Variants in NUP98 observed in about 807,000 individuals in gnomAD.
The protein encoded by NUP98 is nucleoporin 98 and 96 precursor, also known as nuclear pore complex protein Nup98-Nup96.
NUP98 carries 26 observed loss-of-function variants against 191.9 expected under a neutral mutation model. The observed-to-expected ratio is 0.14, with a 90% CI of 0.10 to 0.19. The LOEUF (loss-of-function observed/expected upper bound fraction) is 0.19. Ranked by LOEUF, NUP98 falls within the 10% of genes least tolerant of loss-of-function variation. The pLI is 1.00. For synonymous variants in NUP98, 808 were observed against 778.4 expected (o/e 1.04, Z -0.63); for missense variants, 1,941 against 2,178.8 (o/e 0.89, Z 2.17).
intron 28 of NUP98, among the ~76,000 whole-genome samples, chr11:3,689,242 C>T (rs1425574449): frequency 6.6e-6 from 1 of 151,874 alleles, no homozygotes; most frequent in Non-Finnish European, 1.5e-5. Flanking sequence ...AAAAACAAAA[C>T]AAGGCTAGGT....
intron 1 of NUP98, among the ~76,000 whole-genome samples, chr11:3,796,322 C>T (rs2082564328): frequency 6.6e-6 from 1 of 152,214 alleles, no homozygotes; most frequent in African/African-American, 2.4e-5. Flanking sequence ...ATATTTCCTG[C>T]TTTCTATTCC....
intron 20 of NUP98, chr11:3,712,213 G>C: frequency 9.2e-7 from 1 of 1,088,442 alleles, no homozygotes; most frequent in Non-Finnish European, 1.1e-6. Context: ...CTGCACATCA[G>C]GTAGTCAATA....
At chr11:3,781,185 C>CAAAAA (rs34704470) in intron 2 of NUP98, among the ~76,000 whole-genome samples, 5 of 68,998 alleles carry the variant, frequency 7.2e-5, no homozygotes, top group African/African-American at 2.8e-4. Context: ...GATCCTATCT[C>CAAAAA]AAAAAAAAAA....
In NUP98 at chr11:3,746,357, A is replaced by G. The variant is rs139884575; in HGVS notation, c.1268-1708T>C. Reference sequence around the variant, plus strand: ...TTCTAAACCATTAGTAATTAACGCAAGCTCCAAGAAATACTAAAATTATAT... The same window carrying G: ...TTCTAAACCATTAGTAATTAACGCAGGCTCCAAGAAATACTAAAATTATAT... On this transcript the variant is annotated intron_variant, in intron 11 of 32. Coordinates refer to ENST00000324932, the MANE Select transcript of NUP98 (RefSeq NM_016320.5). 1.5e-3 allele frequency among the ~76,000 whole-genome samples: 221 copies of G among 151,664 alleles called. 6 individuals are homozygous for G. The highest frequency in any genetic ancestry group is 5.1e-3 in the African/African-American group (208 of 41,128).
chr11:3,703,647 C>CCACT (rs2078775973), intron 22 of NUP98, among the ~76,000 whole-genome samples: 1 of 152,078 alleles, frequency 6.6e-6, no homozygotes, highest in Admixed American at 6.6e-5. Flanking sequence ...AAGTCTGGCA[C>CCACT]CACTCCTCAT....
At chr11:3,757,728 G>C (rs1267662056) in intron 10 of NUP98, among the ~76,000 whole-genome samples, 1 of 152,032 alleles carries the variant, frequency 6.6e-6, no homozygotes, top group African/African-American at 2.4e-5. Context: ...GAACCCAGGA[G>C]GCAGAGGTTG....
At chr11:3,745,885 G>C (rs1158420930) in intron 11 of NUP98, among the ~76,000 whole-genome samples, 1 of 152,094 alleles carries the variant, frequency 6.6e-6, no homozygotes, top group African/African-American at 2.4e-5. Context: ...AATCAAAAAA[G>C]AACAGAAAGT....
chr11:3,685,881 T>C (rs887319272), intron 29 of NUP98, 92 bp downstream of exon 29: 2 of 950,758 alleles, frequency 2.1e-6, no homozygotes, highest in African/African-American at 3.2e-5. Flanking sequence ...TCTACACAAT[T>C]ACTTGCTAAA....
intron 1 of NUP98, among the ~76,000 whole-genome samples, chr11:3,782,702 C>T (rs892560521): frequency 8.0e-6 from 1 of 125,018 alleles, no homozygotes; most frequent in African/African-American, 3.9e-5. Context: ...GTCACCATGC[C>T]TGTCTAATTA....
At chr11:3,796,546 A>G (rs1222641536) in intron 1 of NUP98, among the ~76,000 whole-genome samples, 1 of 152,242 alleles carries the variant, frequency 6.6e-6, no homozygotes, top group Non-Finnish European at 1.5e-5. Flanking sequence ...CCGTGAACAG[A>G]GCTGGTAGCA....
intron 27 of NUP98, 112 bp downstream of exon 27, chr11:3,693,120 C>A: frequency 3.8e-6 from 4 of 1,040,580 alleles, no homozygotes; most frequent in Non-Finnish European, 5.7e-6. Flanking sequence ...GTAGCCTTGT[C>A]CAGAGGAAGG....
chr11:3,680,700 C>G (rs1453688037), intron 30 of NUP98, among the ~76,000 whole-genome samples: 2 of 152,048 alleles, frequency 1.3e-5, no homozygotes, highest in East Asian at 3.9e-4. Context: ...TGTGTGCCAC[C>G]AGGCCCGACT....
intron 28 of NUP98, among the ~76,000 whole-genome samples, chr11:3,688,473 TA>T (rs2078196626): frequency 6.6e-6 from 1 of 151,140 alleles, no homozygotes; most frequent in Non-Finnish European, 1.5e-5. Flanking sequence ...TTTACTACAA[TA>T]AAAAGCTACA....
At chr11:3,761,539 C>G (rs1054133264) in intron 9 of NUP98, among the ~76,000 whole-genome samples, 2 of 152,132 alleles carry the variant, frequency 1.3e-5, no homozygotes, top group Admixed American at 6.6e-5. Flanking sequence ...GCAGGTGGAT[C>G]ACGAGGTCAG....
intron 25 of NUP98, among the ~76,000 whole-genome samples, chr11:3,695,989 C>T (rs753934138): frequency 2.6e-5 from 4 of 152,034 alleles, no homozygotes; most frequent in Admixed American, 6.6e-5. Context: ...GTCACGAGTT[C>T]GAGACCAGCC....
chr11:3,797,292 G>GC (rs1414756282), intron 1 of NUP98, 108 bp downstream of exon 1: 7 of 397,924 alleles, frequency 1.8e-5, no homozygotes, highest in African/African-American at 1.0e-4. Context: ...GCGCAGCGGC[G>GC]CTAGACTTCG....
At chr11:3,789,060 G>A (rs1381052475) in intron 1 of NUP98, among the ~76,000 whole-genome samples, 1 of 152,110 alleles carries the variant, frequency 6.6e-6, no homozygotes, top group Non-Finnish European at 1.5e-5. Flanking sequence ...ACTTGCTACT[G>A]TAAGTCATAA....
intron 22 of NUP98, 26 bp downstream of exon 22, chr11:3,705,174 G>A (rs1428625934): frequency 1.9e-6 from 3 of 1,611,324 alleles, no homozygotes; most frequent in Admixed American, 1.7e-5. Flanking sequence ...CAGCTTTCTT[G>A]TAAAATAGCA....
At chr11:3,793,938 C>T (rs565303372) in intron 1 of NUP98, among the ~76,000 whole-genome samples, 2 of 152,168 alleles carry the variant, frequency 1.3e-5, no homozygotes, top group South Asian at 2.1e-4. Flanking sequence ...CATTGCACTC[C>T]AGCCGGGGCA....
Sources: allele counts gnomAD v4.1 joint callset (sites outside exome capture counted in the v4.1 genomes callset), GRCh38; gene constraint gnomAD v4.1.1; transcripts MANE v1.5; gene names NCBI Gene and HGNC (gene_info 2026-07-23, HGNC 2026-07-21).